Variants in CACNA2D3 observed in about 807,000 individuals in gnomAD.
CACNA2D3 encodes calcium voltage-gated channel auxiliary subunit alpha2delta 3.
CACNA2D3 carries 60 observed loss-of-function variants against 160.6 expected under a neutral mutation model. That is an observed-to-expected ratio of 0.37 (90% CI 0.30 to 0.46). The LOEUF (loss-of-function observed/expected upper bound fraction) is 0.46, where lower values mean the gene tolerates loss of function less well. Ranked by LOEUF, CACNA2D3 falls within the 20% of genes least tolerant of loss-of-function variation. The pLI is 1.00. For synonymous variants in CACNA2D3, 558 were observed against 492.9 expected (o/e 1.13, Z -1.75); for missense variants, 1,205 against 1,365.0 (o/e 0.88, Z 1.85).
At chr3:54,321,604 A>G (rs763773659) in intron 3 of CACNA2D3, among the ~76,000 whole-genome samples, 1 of 152,144 alleles carries the variant, frequency 6.6e-6, no homozygotes, top group Admixed American at 6.6e-5. Flanking sequence ...GGTGGATGTT[A>G]GTATTATCCC....
intron 2 of CACNA2D3, among the ~76,000 whole-genome samples, chr3:54,187,595 G>A (rs1327473328): frequency 6.6e-6 from 1 of 152,074 alleles, no homozygotes; most frequent in Non-Finnish European, 1.5e-5. Context: ...TCCCGGGTGA[G>A]CTCATGATTG....
At chr3:54,400,206 C>T (rs1699426937) in intron 4 of CACNA2D3, among the ~76,000 whole-genome samples, 1 of 149,012 alleles carries the variant, frequency 6.7e-6, no homozygotes, top group Non-Finnish European at 1.5e-5. Context: ...GTCTGGCACT[C>T]CCTAGTGAGA....
intron 9 of CACNA2D3, among the ~76,000 whole-genome samples, chr3:54,612,095 C>T (rs539046658): frequency 1.2e-3 from 188 of 152,284 alleles, no homozygotes; most frequent in African/African-American, 4.3e-3. Context: ...GTTTCCTTCC[C>T]CTTCCTCTGC....
intron 4 of CACNA2D3, among the ~76,000 whole-genome samples, chr3:54,491,450 A>G (rs1701107490): frequency 6.6e-6 from 1 of 152,240 alleles, no homozygotes; most frequent in South Asian, 2.1e-4. Flanking sequence ...CCTGGGCTGC[A>G]CATTGGACTC....
chr3:54,836,233 TTTTTTTTTG>T (rs1455421701), intron 14 of CACNA2D3, among the ~76,000 whole-genome samples: 50 of 146,662 alleles, frequency 3.4e-4, no homozygotes, highest in South Asian at 1.6e-3. Flanking sequence ...TTTCTTTTTT[TTTTTTTTTG>T]TTTTTGTTTT....
intron 11 of CACNA2D3, among the ~76,000 whole-genome samples, chr3:54,666,095 A>G (rs937172006): frequency 1.3e-5 from 2 of 152,190 alleles, no homozygotes; most frequent in African/African-American, 2.4e-5. Context: ...ACCTTTAGAT[A>G]TATTATCCAG....
chr3:54,938,854 G>C (rs1249545769), intron 27 of CACNA2D3, among the ~76,000 whole-genome samples: 1 of 152,172 alleles, frequency 6.6e-6, no homozygotes, highest in African/African-American at 2.4e-5. Context: ...TTGAGTTTGG[G>C]CATGTGGACA....
chr3:54,506,594 T>C (rs1701374916), intron 5 of CACNA2D3, among the ~76,000 whole-genome samples: 1 of 152,186 alleles, frequency 6.6e-6, no homozygotes, highest in Admixed American at 6.5e-5. Flanking sequence ...TGAAAGAGAC[T>C]GCAGCTTCAA....
intron 9 of CACNA2D3, among the ~76,000 whole-genome samples, chr3:54,606,936 C>T (rs1293174704): frequency 6.6e-6 from 1 of 152,194 alleles, no homozygotes; most frequent in Non-Finnish European, 1.5e-5. Context: ...TCATGCTTGC[C>T]TGCATATTCC....
chr3:54,549,775 G>C (rs1702126552), intron 5 of CACNA2D3, among the ~76,000 whole-genome samples: 1 of 152,140 alleles, frequency 6.6e-6, no homozygotes, highest in Non-Finnish European at 1.5e-5. Context: ...ACCCTGTCAG[G>C]GTACCTGCTA....
At chr3:54,588,075 A>C (rs1015694284) in intron 9 of CACNA2D3, among the ~76,000 whole-genome samples, 2 of 152,214 alleles carry the variant, frequency 1.3e-5, no homozygotes, top group African/African-American at 4.8e-5. Context: ...AAATTTCAGC[A>C]CATCAAACCC....
rs1699203414 is a variant in CACNA2D3, at chr3:54,857,736, A to G, written c.1626+11269A>G. Among the ~76,000 whole-genome samples, 4 of 152,156 alleles carry G rather than the reference A, an allele frequency of 2.6e-5. No individual in the cohort carries two copies. The South Asian group carries it at 8.3e-4, about 32-fold the overall frequency. ...CAGCAGGCTGATGTGTCTCTGCAAAAATTGATTTGCTGTAGACTAGAGCTT... is the reference window on the plus strand; with the variant it reads ...CAGCAGGCTGATGTGTCTCTGCAAAGATTGATTTGCTGTAGACTAGAGCTT... On this transcript the variant is annotated intron_variant, in intron 17 of 37. Transcript: ENST00000474759.
chr3:54,732,759 T>A (rs2107017107), intron 11 of CACNA2D3, among the ~76,000 whole-genome samples: 1 of 152,372 alleles, frequency 6.6e-6, no homozygotes, highest in Admixed American at 6.5e-5. Flanking sequence ...ATTCACTGAC[T>A]GCTGACCTTT....
chr3:54,790,721 G>A (rs190684286), intron 13 of CACNA2D3, among the ~76,000 whole-genome samples: 2 of 152,140 alleles, frequency 1.3e-5, no homozygotes, highest in East Asian at 1.9e-4. Context: ...ATTGTCACTC[G>A]CACCTCTGGA....
rs1202035691 is a variant in CACNA2D3, at chr3:54,899,189, T to C, written c.2369-599T>C. Among the ~76,000 whole-genome samples, 3 of 152,348 alleles carry C rather than the reference T, an allele frequency of 2.0e-5. No individual in the cohort carries two copies. In the East Asian group the frequency reaches 5.8e-4, roughly 29 times the overall value. ...TTTTAATTCGTGGATATTGGAACCATTGCTGGTAATTGAAAATCTCTTAAT... is the reference window on the plus strand; with the variant it reads ...TTTTAATTCGTGGATATTGGAACCACTGCTGGTAATTGAAAATCTCTTAAT... On this transcript the variant is annotated intron_variant, in intron 26 of 37. Coordinates refer to ENST00000474759, the MANE Select transcript of CACNA2D3 (RefSeq NM_018398.3).
At chr3:54,190,788 C>T (rs1576988938) in intron 2 of CACNA2D3, among the ~76,000 whole-genome samples, 1 of 152,262 alleles carries the variant, frequency 6.6e-6, no homozygotes, top group East Asian at 1.9e-4. Context: ...GTGTCGAGAT[C>T]CACTAGACAG....
intron 4 of CACNA2D3, among the ~76,000 whole-genome samples, chr3:54,388,136 A>G (rs139445245): frequency 1.8e-4 from 27 of 152,372 alleles, no homozygotes; most frequent in African/African-American, 5.5e-4. Flanking sequence ...CCAAAAGGCA[A>G]TGGTGGCATA....
intron 11 of CACNA2D3, among the ~76,000 whole-genome samples, chr3:54,696,315 G>C (rs546637076): frequency 6.6e-6 from 1 of 152,190 alleles, no homozygotes. Flanking sequence ...TCCAGCAGCA[G>C]TGATATTCTG....
intron 2 of CACNA2D3, among the ~76,000 whole-genome samples, chr3:54,173,915 TG>T (rs1700619512): frequency 6.6e-6 from 1 of 152,250 alleles, no homozygotes; most frequent in Non-Finnish European, 1.5e-5. Context: ...TGCAGATTCC[TG>T]GGCCTCTGGA....
Sources: allele counts gnomAD v4.1 joint callset (sites outside exome capture counted in the v4.1 genomes callset), GRCh38; gene constraint gnomAD v4.1.1; transcripts MANE v1.5; gene names NCBI Gene and HGNC (gene_info 2026-07-23, HGNC 2026-07-21).